The following CDH13 variants were observed in gnomAD, a reference collection of about 807,000 sequenced individuals.
The protein encoded by CDH13 is cadherin-13.
Under a neutral mutation model 63.8 loss-of-function variants are expected in CDH13, and 24 were observed. The ratio of observed to expected loss-of-function variants is 0.38; its 90% CI spans 0.27 to 0.53. The LOEUF (loss-of-function observed/expected upper bound fraction) is 0.53. CDH13 is among the 20% of genes least tolerant of loss of function. The pLI is 0.85. For synonymous variants in CDH13, 503 were observed against 355.3 expected, an observed-to-expected ratio of 1.42 and a Z score of -4.67; for missense variants, 1,049 against 903.1, an observed-to-expected ratio of 1.16 and a Z score of -2.07.
At chr16:83,229,135 A>G (rs1174893666) in intron 5 of CDH13, among the ~76,000 whole-genome samples, 3 of 152,248 alleles carry the variant, frequency 2.0e-5, no homozygotes, top group Admixed American at 6.5e-5. Flanking sequence ...CCTCAGCCTC[A>G]GAGGGTTCTC....
chr16:83,391,026 C>T (rs549457045), intron 6 of CDH13, among the ~76,000 whole-genome samples: 42 of 152,260 alleles, frequency 2.8e-4, no homozygotes, highest in African/African-American at 9.1e-4. Context: ...CAAAGTACAA[C>T]GAACAGTATC....
chr16:82,627,067 C>T lies in CDH13; in HGVS notation c.-26C>T. ...GCAGCCGCGTGCATGAATGAAAACG[C>T]CGCCGGGCGCTTCTAGTCGGACAAA... On this transcript the variant is annotated 5_prime_UTR_variant, in exon 1 of 14. Coordinates refer to ENST00000567109, the MANE Select transcript of CDH13 (RefSeq NM_001257.5). 1.3e-6 allele frequency: 2 copies of T among 1,585,158 alleles called. No individual in the cohort carries two copies. The highest frequency in any genetic ancestry group is 1.2e-5 in the South Asian group (1 of 86,562).
At chr16:83,389,637 T>A (rs2091745433) in intron 6 of CDH13, among the ~76,000 whole-genome samples, 1 of 152,258 alleles carries the variant, frequency 6.6e-6, no homozygotes, top group South Asian at 2.1e-4. Flanking sequence ...ATCTGGTCAC[T>A]TCCTTATGGT....
intron 2 of CDH13, among the ~76,000 whole-genome samples, chr16:82,928,860 C>A (rs1317491869): frequency 1.3e-5 from 2 of 152,218 alleles, no homozygotes; most frequent in Non-Finnish European, 2.9e-5. Flanking sequence ...CACTTAGCCT[C>A]TTTTCTTCTT....
At chr16:83,285,890 C>T (rs774136804) in intron 5 of CDH13, among the ~76,000 whole-genome samples, 2 of 152,178 alleles carry the variant, frequency 1.3e-5, no homozygotes, top group Non-Finnish European at 2.9e-5. Context: ...GGCCAGGCAT[C>T]ACAGAGAAGT....
At chr16:82,962,606 G>A (rs1256131394) in intron 2 of CDH13, among the ~76,000 whole-genome samples, 1 of 152,168 alleles carries the variant, frequency 6.6e-6, no homozygotes, top group East Asian at 1.9e-4. Flanking sequence ...GGAAGGTCTA[G>A]AAGAGAATCT....
chr16:82,849,874 A>C (rs911225438), intron 1 of CDH13, among the ~76,000 whole-genome samples: 35 of 152,240 alleles, frequency 2.3e-4, no homozygotes, highest in Non-Finnish European at 7.3e-5. Context: ...ATCTGTTTAC[A>C]ACATGATTTA....
rs146140299 is a variant in CDH13, at chr16:83,369,186, T to A, written c.781+24180T>A. Among the ~76,000 whole-genome samples, 123 of 151,554 alleles carry A rather than the reference T, an allele frequency of 8.1e-4. No homozygotes were observed. In the East Asian group the frequency reaches 0.02, roughly 25 times the overall value. On this transcript the variant is annotated intron_variant, in intron 6 of 13. Coordinates refer to ENST00000567109, the MANE Select transcript of CDH13 (RefSeq NM_001257.5). ...TACTTGTTTACATTCCCACCAAGAA[T>A]GGTCATGATCAAAAAATGAAAAAAT... is the stretch of plus-strand genomic sequence containing the variant.
chr16:83,502,781 C>G (rs934142349), intron 7 of CDH13, among the ~76,000 whole-genome samples: 1 of 152,160 alleles, frequency 6.6e-6, no homozygotes, highest in African/African-American at 2.4e-5. Flanking sequence ...GCTGGTGTTA[C>G]CAATAATAAA....
rs116896246 is a variant in CDH13 at position 82,645,750 on chromosome 16, T to C, written c.45+18613T>C. 4.6e-3 allele frequency among the ~76,000 whole-genome samples: 705 copies of C among 152,324 alleles called. 1 individual carries two copies. The highest frequency in any genetic ancestry group is 8.0e-3 in the Non-Finnish European group (546 of 68,028). On this transcript the variant is annotated intron_variant, in intron 1 of 13. Coordinates refer to ENST00000567109, the MANE Select transcript of CDH13 (RefSeq NM_001257.5). ...ACCTCACAGCAAGCCGCTATTCATG[T>C]ATAATTTTTCAAAAGGTAAAACCAA...
At chr16:82,723,078 A>C (rs2032877858) in intron 1 of CDH13, 1 of 152,234 alleles carries the variant, frequency 6.6e-6, no homozygotes, top group Non-Finnish European at 1.5e-5. Flanking sequence ...ATGAGTACTA[A>C]AGCCACCAGC....
At chr16:82,781,210 G>C (rs866530338) in intron 1 of CDH13, among the ~76,000 whole-genome samples, 7 of 152,186 alleles carry the variant, frequency 4.6e-5, no homozygotes, top group Admixed American at 2.6e-4. Context: ...TATTGCCAGG[G>C]CAAGGCTGTT....
intron 2 of CDH13, among the ~76,000 whole-genome samples, chr16:82,902,186 A>G (rs549980505): frequency 1.5e-4 from 23 of 152,142 alleles, no homozygotes; most frequent in Non-Finnish European, 2.5e-4. Flanking sequence ...AGAGACTGCC[A>G]TTTTTCATGA....
chr16:83,326,852 C>G (rs1449031944), intron 5 of CDH13, among the ~76,000 whole-genome samples: 2 of 152,158 alleles, frequency 1.3e-5, no homozygotes, highest in Non-Finnish European at 2.9e-5. Flanking sequence ...TGTCTGTACT[C>G]CTAAGCCCAG....
chr16:83,787,697 C>T (rs1253833152), intron 13 of CDH13, among the ~76,000 whole-genome samples: 1 of 152,226 alleles, frequency 6.6e-6, no homozygotes, highest in Non-Finnish European at 1.5e-5. Flanking sequence ...AATCCCAGCA[C>T]TTTGGGAGGC....
At chr16:83,313,633 C>G (rs1475763305) in intron 5 of CDH13, among the ~76,000 whole-genome samples, 1 of 141,856 alleles carries the variant, frequency 7.0e-6, no homozygotes, top group Admixed American at 7.1e-5. Context: ...CTCAAGAACC[C>G]TTACCATTGT....
At chr16:83,129,201 G>A (rs1367025251) in intron 4 of CDH13, among the ~76,000 whole-genome samples, 1 of 152,124 alleles carries the variant, frequency 6.6e-6, no homozygotes, top group Non-Finnish European at 1.5e-5. Context: ...GACCACAGAG[G>A]CAGAGCTCTG....
intron 4 of CDH13, among the ~76,000 whole-genome samples, chr16:83,140,654 C>G (rs1163074888): frequency 6.6e-6 from 1 of 152,140 alleles, no homozygotes; most frequent in East Asian, 1.9e-4. Flanking sequence ...GGGGTTTTGC[C>G]ATGTTGGCCA....
intron 7 of CDH13, among the ~76,000 whole-genome samples, chr16:83,578,997 A>G (rs1905292997): frequency 1.3e-5 from 2 of 152,256 alleles, no homozygotes; most frequent in Admixed American, 6.5e-5. Flanking sequence ...TCCTGTTATG[A>G]AAAGCATTTT....
Sources: gnomAD v4.1 joint callset for allele counts (sites outside exome capture counted in the v4.1 genomes callset) on GRCh38, gnomAD v4.1.1 for gene constraint, MANE v1.5 for transcripts, NCBI Gene and HGNC (gene_info 2026-07-23, HGNC 2026-07-21) for gene names.